CNTN5: variants seen among roughly 807,000 people sequenced by gnomAD.
CNTN5 encodes contactin 5.
A neutral mutation model predicts 129.1 loss-of-function variants in CNTN5; 77 were observed. The observed-to-expected ratio is 0.60, with a 90% CI of 0.50 to 0.72. The LOEUF is 0.72. Among genes scored for constraint, CNTN5 ranks in the 30% least tolerant of loss-of-function variants. CNTN5 has a pLI of 0.00. For missense variants in CNTN5, 1,478 were observed against 1,328.8 expected (o/e 1.11, Z -1.75); for synonymous variants, 509 against 465.6 (o/e 1.09, Z -1.20).
chr11:99,078,740 A>C (rs988857861), intron 1 of CNTN5, among the ~76,000 whole-genome samples: 5 of 152,170 alleles, frequency 3.3e-5, no homozygotes, highest in African/African-American at 2.4e-5. Context: ...CTAAAAATTA[A>C]AGCAATTGAG....
intron 1 of CNTN5, among the ~76,000 whole-genome samples, chr11:99,124,957 A>T (rs1046613208): frequency 5.3e-5 from 8 of 152,070 alleles, no homozygotes; most frequent in African/African-American, 1.7e-4. Flanking sequence ...GAGTTCCAAA[A>T]TTGAATCAAT....
intron 15 of CNTN5, among the ~76,000 whole-genome samples, chr11:100,218,700 G>T (rs919693760): frequency 1.3e-5 from 2 of 152,182 alleles, no homozygotes; most frequent in Non-Finnish European, 2.9e-5. Context: ...CTTGAACAAG[G>T]TCTTAACATA....
intron 1 of CNTN5, among the ~76,000 whole-genome samples, chr11:99,319,660 T>C (rs1044101390): frequency 2.0e-5 from 3 of 152,212 alleles, no homozygotes; most frequent in African/African-American, 7.2e-5. Flanking sequence ...ATTAGTTTCA[T>C]GTATACAAAG....
chr11:99,940,401 A>G (rs1385395299), intron 7 of CNTN5, among the ~76,000 whole-genome samples: 1 of 152,216 alleles, frequency 6.6e-6, no homozygotes, highest in African/African-American at 2.4e-5. Context: ...GAAAGAAGGC[A>G]TAGACCATGA....
intron 1 of CNTN5, among the ~76,000 whole-genome samples, chr11:99,029,896 A>G (rs1274093544): frequency 2.0e-5 from 3 of 152,202 alleles, no homozygotes; most frequent in Admixed American, 2.0e-4. Context: ...AATTTAAAGC[A>G]TATTCTTCAG....
intron 24 of CNTN5, among the ~76,000 whole-genome samples, chr11:100,355,844 A>G (rs896670544): frequency 2.6e-5 from 4 of 151,734 alleles, no homozygotes; most frequent in Non-Finnish European, 1.5e-5. Flanking sequence ...CTGAATTTGG[A>G]ATACTTTCAT....
intron 3 of CNTN5, among the ~76,000 whole-genome samples, chr11:99,618,283 G>T (rs11220658): frequency 2.6e-5 from 4 of 151,932 alleles, no homozygotes; most frequent in African/African-American, 9.7e-5. Flanking sequence ...ATTGTTGGAA[G>T]TTGAATAGTC....
chr11:99,803,495 T>A (rs1313859854), intron 3 of CNTN5, among the ~76,000 whole-genome samples: 3 of 152,218 alleles, frequency 2.0e-5, no homozygotes, highest in African/African-American at 7.2e-5. Flanking sequence ...CACTAAAGAA[T>A]TACTGACTTT....
chr11:100,276,003 T>G (rs1399915351), intron 18 of CNTN5, among the ~76,000 whole-genome samples: 1 of 152,200 alleles, frequency 6.6e-6, no homozygotes. Context: ...AAGATAATGC[T>G]GCTCTAAAGA....
At chr11:99,047,025 T>G (rs992618410) in intron 1 of CNTN5, among the ~76,000 whole-genome samples, 1 of 151,998 alleles carries the variant, frequency 6.6e-6, no homozygotes, top group African/African-American at 2.4e-5. Context: ...TATACATTTT[T>G]TATTAAAACA....
intron 13 of CNTN5, among the ~76,000 whole-genome samples, chr11:100,134,556 A>T (rs185911907): frequency 1.2e-4 from 18 of 152,274 alleles, no homozygotes; most frequent in East Asian, 1.2e-3. Context: ...TTATCAATCA[A>T]TTGGGTTCAT....
chr11:100,179,115 T>A (rs1456055939), intron 13 of CNTN5, among the ~76,000 whole-genome samples: 1 of 152,142 alleles, frequency 6.6e-6, no homozygotes, highest in Non-Finnish European at 1.5e-5. Flanking sequence ...GTACAACAAA[T>A]TATTGTCAAC....
intron 1 of CNTN5, among the ~76,000 whole-genome samples, chr11:99,041,475 C>A (rs1458074075): frequency 6.6e-6 from 1 of 152,150 alleles, no homozygotes; most frequent in Admixed American, 6.5e-5. Context: ...CCTCTGTGTT[C>A]ACTGAAAACA....
chr11:99,361,652 TC>T (rs898191117), intron 2 of CNTN5, among the ~76,000 whole-genome samples: 1 of 152,110 alleles, frequency 6.6e-6, no homozygotes, highest in African/African-American at 2.4e-5. Context: ...AATTTCTTTT[TC>T]CCCCAACATT....
chr11:99,163,345 C>T (rs1202632169), intron 1 of CNTN5, among the ~76,000 whole-genome samples: 1 of 150,486 alleles, frequency 6.6e-6, no homozygotes, highest in Admixed American at 6.6e-5. Context: ...AAAGCTACTC[C>T]TTTTGGTTGA....
chr11:99,501,798 C>G (rs1169377085), intron 2 of CNTN5, among the ~76,000 whole-genome samples: 1 of 152,186 alleles, frequency 6.6e-6, no homozygotes, highest in Non-Finnish European at 1.5e-5. Context: ...TTTGACATTG[C>G]ATATGTCATT....
intron 9 of CNTN5, among the ~76,000 whole-genome samples, chr11:100,043,176 T>A (rs375375797): frequency 6.6e-6 from 1 of 152,334 alleles, no homozygotes; most frequent in East Asian, 1.9e-4. Context: ...AGAAAATGAA[T>A]GAATCATTCT....
At chr11:99,835,359 A>G (rs1947270018) in intron 4 of CNTN5, among the ~76,000 whole-genome samples, 1 of 152,154 alleles carries the variant, frequency 6.6e-6, no homozygotes, top group South Asian at 2.1e-4. Context: ...GAGGGTTCCT[A>G]TGTGGGCCAG....
intron 13 of CNTN5, among the ~76,000 whole-genome samples, chr11:100,160,303 C>T (rs954739883): frequency 2.0e-5 from 3 of 151,908 alleles, no homozygotes; most frequent in African/African-American, 7.2e-5. Context: ...GCCACATTTT[C>T]GTTATCCAGT....
Sources: allele counts gnomAD v4.1 joint callset (sites outside exome capture counted in the v4.1 genomes callset), GRCh38; gene constraint gnomAD v4.1.1; transcripts MANE v1.5; gene names NCBI Gene and HGNC (gene_info 2026-07-23, HGNC 2026-07-21).